STAG1: variants seen among roughly 807,000 people sequenced by gnomAD.
STAG1 encodes the protein cohesin subunit SA-1.
Under a neutral mutation model 170.9 loss-of-function variants are expected in STAG1, and 26 were observed. The observed-to-expected ratio is 0.15, with a 90% CI of 0.11 to 0.21. The LOEUF is 0.21. STAG1 is among the 10% of genes least tolerant of loss of function. The probability of loss-of-function intolerance (pLI) is 1.00; values close to 1 mark genes in which losing one functional copy is unlikely to be tolerated. For synonymous variants in STAG1, 514 were observed against 497.7 expected (o/e 1.03, Z -0.44); for missense variants, 964 against 1,509.5 (o/e 0.64, Z 5.99).
intron 14 of STAG1, among the ~76,000 whole-genome samples, chr3:136,448,559 C>G (rs1244705391): frequency 6.6e-6 from 1 of 152,188 alleles, no homozygotes; most frequent in East Asian, 1.9e-4. Flanking sequence ...CCTGGTCCCA[C>G]CCTTGACACA....
chr3:136,707,178 C>G (rs982378748), intron 1 of STAG1, among the ~76,000 whole-genome samples: 3 of 152,142 alleles, frequency 2.0e-5, no homozygotes, highest in East Asian at 1.9e-4. Context: ...ACCAAAAGCC[C>G]ATGTACCTAA....
chr3:136,514,795 A>G (rs1934263880), intron 7 of STAG1, among the ~76,000 whole-genome samples: 1 of 152,178 alleles, frequency 6.6e-6, no homozygotes, highest in African/African-American at 2.4e-5. Flanking sequence ...CATCATTCTC[A>G]GCAAACTATC....
At chr3:136,724,344 C>G (rs1356620821) in intron 1 of STAG1, among the ~76,000 whole-genome samples, 2 of 151,644 alleles carry the variant, frequency 1.3e-5, no homozygotes, top group Non-Finnish European at 2.9e-5. Flanking sequence ...TGTGTCCACT[C>G]AGGGTTAAAT....
At chr3:136,457,190 C>G (rs879902431) in intron 13 of STAG1, among the ~76,000 whole-genome samples, 7 of 152,012 alleles carry the variant, frequency 4.6e-5, no homozygotes, top group Admixed American at 2.0e-4. Flanking sequence ...CCCTGCCGCA[C>G]CACAAATATA....
intron 24 of STAG1, among the ~76,000 whole-genome samples, chr3:136,367,524 T>C (rs945057229): frequency 5.3e-5 from 8 of 152,114 alleles, no homozygotes; most frequent in Admixed American, 6.6e-5. Flanking sequence ...TTTCTGATAC[T>C]TGTGTCATAA....
chr3:136,446,166 T>C (rs1428042051), intron 14 of STAG1, among the ~76,000 whole-genome samples: 2 of 152,188 alleles, frequency 1.3e-5, no homozygotes, highest in African/African-American at 2.4e-5. Context: ...ACTATACTCC[T>C]ACATTTAAAA....
chr3:136,662,908 A>G (rs1407891138), intron 1 of STAG1, among the ~76,000 whole-genome samples: 1 of 152,010 alleles, frequency 6.6e-6, no homozygotes, highest in African/African-American at 2.4e-5. Context: ...AAAATTAGCC[A>G]AGCATGGTGG....
intron 1 of STAG1, among the ~76,000 whole-genome samples, chr3:136,675,119 A>T (rs959757092): frequency 6.6e-6 from 1 of 152,252 alleles, no homozygotes; most frequent in Non-Finnish European, 1.5e-5. Context: ...CAGTTAAAAT[A>T]AGGATTTAGA....
At chr3:136,551,244 A>AGAGAGAGAGAGAGAGAGG (rs1287452072) in intron 5 of STAG1, among the ~76,000 whole-genome samples, 1 of 139,450 alleles carries the variant, frequency 7.2e-6, no homozygotes, top group Non-Finnish European at 1.6e-5. Flanking sequence ...AGAGAGAGAG[A>AGAGAGAGAGAGAGAGAGG]GAGAGAGAGA....
chr3:136,569,198 A>G (rs1004001385), intron 4 of STAG1, among the ~76,000 whole-genome samples: 1 of 152,092 alleles, frequency 6.6e-6, no homozygotes, highest in African/African-American at 2.4e-5. Context: ...TTTTACACAG[A>G]TACAAACTTT....
chr3:136,693,452 C>T (rs1942787630), intron 1 of STAG1, among the ~76,000 whole-genome samples: 2 of 152,030 alleles, frequency 1.3e-5, no homozygotes, highest in Non-Finnish European at 2.9e-5. Flanking sequence ...AAGGAGAAGC[C>T]AAAGAGATAA....
intron 5 of STAG1, among the ~76,000 whole-genome samples, chr3:136,551,247 GA>G (rs1936381689): frequency 6.1e-5 from 9 of 147,062 alleles, no homozygotes; most frequent in Admixed American, 1.4e-4. Flanking sequence ...GAGAGAGAGA[GA>G]GAGAGAGAGA....
intron 6 of STAG1, among the ~76,000 whole-genome samples, chr3:136,533,833 C>A (rs2107714623): frequency 6.6e-6 from 1 of 152,226 alleles, no homozygotes; most frequent in East Asian, 1.9e-4. Context: ...TCAATGTAAT[C>A]CCTATCAAAA....
intron 16 of STAG1, among the ~76,000 whole-genome samples, chr3:136,427,943 T>C (rs774157387): frequency 9.2e-5 from 14 of 152,242 alleles, no homozygotes; most frequent in Middle Eastern, 3.4e-3. Context: ...ACTTTAAAAA[T>C]GTCAAGAGAA....
At chr3:136,655,041 G>GA (rs1463926184) in intron 1 of STAG1, among the ~76,000 whole-genome samples, 2 of 152,080 alleles carry the variant, frequency 1.3e-5, no homozygotes, top group East Asian at 1.9e-4. Flanking sequence ...AACTCTTACA[G>GA]AAAAAACATA....
chr3:136,595,072 T>C (rs1212611242), intron 4 of STAG1, among the ~76,000 whole-genome samples: 2 of 152,210 alleles, frequency 1.3e-5, no homozygotes, highest in Admixed American at 6.5e-5. Flanking sequence ...TCCAGCCCTA[T>C]AGTCCAACTT....
At chr3:136,462,928 G>T (rs556189151) in intron 13 of STAG1, among the ~76,000 whole-genome samples, 1 of 152,008 alleles carries the variant, frequency 6.6e-6, no homozygotes, top group Non-Finnish European at 1.5e-5. Flanking sequence ...ATTATACAGA[G>T]AACCAATCTC....
intron 29 of STAG1, among the ~76,000 whole-genome samples, chr3:136,346,830 G>C (rs1936240504): frequency 6.6e-6 from 1 of 152,238 alleles, no homozygotes. Flanking sequence ...TAGGCGCAAT[G>C]GCTCATGCCT....
chr3:136,377,617 T>C, intron 23 of STAG1, 43 bp downstream of exon 23: 1 of 1,491,520 alleles, frequency 6.7e-7, no homozygotes. Context: ...CATTAATGTA[T>C]TTGAGTTGAT....
Sources: allele counts gnomAD v4.1 joint callset (sites outside exome capture counted in the v4.1 genomes callset), GRCh38; gene constraint gnomAD v4.1.1; transcripts MANE v1.5; gene names NCBI Gene and HGNC (gene_info 2026-07-23, HGNC 2026-07-21).